STOM: variants seen among roughly 807,000 people sequenced by gnomAD.
The protein encoded by STOM is stomatin.
Under a neutral mutation model 30.6 loss-of-function variants are expected in STOM, and 25 were observed. That is an observed-to-expected ratio of 0.82 (90% confidence interval 0.60 to 1.14). The LOEUF is 1.14. STOM is among the 50% of genes most tolerant of loss of function. STOM has a pLI of 0.00. For missense variants in STOM, 292 were observed against 365.2 expected (o/e 0.80, Z 1.63); for synonymous variants, 118 against 130.8 (o/e 0.90, Z 0.67).
intron 1 of STOM, 36 bp downstream of exon 1, chr9:121,370,091 G>T (rs188538384): frequency 9.9e-6 from 15 of 1,510,420 alleles, no homozygotes; most frequent in Non-Finnish European, 1.3e-5. Flanking sequence ...GCGGGGGCTC[G>T]GTCCACGGGG....
rs1471841609 is a variant in STOM at position 121,339,527 on chromosome 9, A to G, written c.*1675T>C. ...TTGGGGTACAGGGGAAGGGACATCCATTGGCTGGATGGACAGAGTGGTTGA... is the reference window on the plus strand; with the variant it reads ...TTGGGGTACAGGGGAAGGGACATCCGTTGGCTGGATGGACAGAGTGGTTGA... On this transcript the variant is annotated 3_prime_UTR_variant, in exon 7 of 7. Transcript: ENST00000286713. 1 of 1,229,276 alleles carries G rather than the reference A, an allele frequency of 8.1e-7. No individual in the cohort carries two copies. The highest frequency in any genetic ancestry group is 3.2e-5 in the East Asian group (1 of 31,558). The allele number at this position is 1,229,276 out of a possible 1,614,324, so 76.1% of individuals were successfully genotyped here.
At chr9:121,345,798 T>C (rs1564627490) in intron 6 of STOM, among the ~76,000 whole-genome samples, 3 of 152,286 alleles carry the variant, frequency 2.0e-5, no homozygotes, top group East Asian at 1.9e-4. Flanking sequence ...AAGAGGCTCA[T>C]AGCCCATCCT....
intron 1 of STOM, among the ~76,000 whole-genome samples, chr9:121,357,511 C>T (rs1385052501): frequency 6.7e-6 from 1 of 148,302 alleles, no homozygotes; most frequent in Non-Finnish European, 1.5e-5. Context: ...ACAGTCTCAC[C>T]TCACTGCAAC....
chr9:121,363,031 T>C (rs1014212182), intron 1 of STOM, among the ~76,000 whole-genome samples: 1 of 152,222 alleles, frequency 6.6e-6, no homozygotes, highest in Non-Finnish European at 1.5e-5. Flanking sequence ...GAGATTTTAT[T>C]ATTGTAAAGT....
rs1327320091 is a variant in STOM at position 121,370,177 on chromosome 9, T to G, written c.11A>C (p.Lys4Thr). 1.3e-6 allele frequency: 2 copies of G among 1,548,034 alleles called. No individual in the cohort carries two copies. Among genetic ancestry groups the G allele is most frequent in the African/African-American group, 1.4e-5 (1 of 73,022 alleles). Residue 4 changes from lysine (K) to threonine (T), a missense_variant, in exon 1 of 7, where the codon AAG (lysine) becomes ACG (threonine). Lys to Thr is a moderately conservative substitution (Grantham distance 78). Transcript: ENST00000286713. ...GGCTTCGGAGTCCCGTGTGTGCCGC[T>G]TCTCGGCCATGCTGCCCGAGACGCA... MAEKRHTRDSEAQR... is the reference protein window; with the variant it reads MAETRHTRDSEAQR...
At chr9:121,368,369 C>G (rs1020292677) in intron 1 of STOM, among the ~76,000 whole-genome samples, 4 of 152,320 alleles carry the variant, frequency 2.6e-5, no homozygotes, top group Non-Finnish European at 5.9e-5. Context: ...AGATTTGCCA[C>G]TGCAGTTTCC....
chr9:121,358,018 G>A (rs927840436), intron 1 of STOM, among the ~76,000 whole-genome samples: 1 of 151,932 alleles, frequency 6.6e-6, no homozygotes, highest in Non-Finnish European at 1.5e-5. Context: ...AATACGCTTT[G>A]CAGCTGGGTG....
chr9:121,349,191 TCA>T lies in STOM; in HGVS notation c.452_453del (p.Leu151GlnfsTer15). ...SATRLLAQTT[L>X]RNVLGTKNLS... ...AGATTCTTGGTGCCCAGAACATTCC[TCA>T]GAGTAGTTTGTGCCAAAAGACGGGT... On this transcript the variant is annotated frameshift_variant, in exon 5 of 7. Coordinates refer to ENST00000286713, the MANE Select transcript of STOM (RefSeq NM_004099.6). LOFTEE classifies it high-confidence loss of function. The T allele has an allele frequency of 6.2e-7, 1 of 1,614,186 alleles. No individual in the cohort carries two copies. The highest frequency in any genetic ancestry group is 8.5e-7 in the Non-Finnish European group (1 of 1,180,028).
chr9:121,339,414 T>C lies in STOM; in HGVS notation c.*1788A>G. 1.9e-5 allele frequency: 12 copies of C among 645,592 alleles called. No individual in the cohort carries two copies. Among genetic ancestry groups the C allele is most frequent in the Non-Finnish European group, 2.4e-5 (11 of 460,230 alleles). 40.0% of individuals were successfully genotyped at this position (645,592 alleles called of 1,614,324 possible). A position where few individuals can be genotyped will look rare whatever the true frequency, so the allele number is the denominator to read the frequency against. On this transcript the variant is annotated 3_prime_UTR_variant, in exon 7 of 7. Coordinates refer to ENST00000286713, the MANE Select transcript of STOM (RefSeq NM_004099.6). ...ATTCAAAATGTAAGTGCAACTTGAGTTTAAGTTGCACTGCTCCATACCTCT... is the reference window on the plus strand; with the variant it reads ...ATTCAAAATGTAAGTGCAACTTGAGCTTAAGTTGCACTGCTCCATACCTCT...
In STOM at chr9:121,339,641, T is replaced by G; in HGVS notation, c.*1561A>C. The G allele has an allele frequency of 8.1e-7, 1 of 1,231,632 alleles. No homozygotes were observed. 76.3% of individuals were successfully genotyped at this position (1,231,632 alleles called of 1,614,324 possible). On this transcript the variant is annotated 3_prime_UTR_variant, in exon 7 of 7. Transcript: ENST00000286713. ...TGAACTCAGAGTCTCAAAGAGGAAATGTTACAAATGTCACCCGCCAGCTTT... is the reference window on the plus strand; with the variant it reads ...TGAACTCAGAGTCTCAAAGAGGAAAGGTTACAAATGTCACCCGCCAGCTTT...
intron 6 of STOM, among the ~76,000 whole-genome samples, chr9:121,343,043 A>G (rs1326103275): frequency 6.6e-6 from 1 of 152,222 alleles, no homozygotes; most frequent in Non-Finnish European, 1.5e-5. Context: ...GAAGACAGAG[A>G]AAGTATATAA....
chr9:121,345,692 T>C (rs1286758538), intron 6 of STOM, among the ~76,000 whole-genome samples: 1 of 152,294 alleles, frequency 6.6e-6, no homozygotes, highest in Non-Finnish European at 1.5e-5. Flanking sequence ...AGTGGGAGCA[T>C]GGCAATTCAG....
intron 1 of STOM, among the ~76,000 whole-genome samples, chr9:121,358,140 TAAAAAAA>T (rs35222551): frequency 7.4e-6 from 1 of 134,630 alleles, no homozygotes; most frequent in Non-Finnish European, 1.7e-5. Flanking sequence ...GTCTCTACTT[TAAAAAAA>T]AAAAAAATAA....
chr9:121,350,950 A>G (rs2064333631), intron 4 of STOM, among the ~76,000 whole-genome samples: 1 of 152,240 alleles, frequency 6.6e-6, no homozygotes, highest in Non-Finnish European at 1.5e-5. Context: ...TTCCCATGAC[A>G]TGATGGGAAA....
intron 1 of STOM, among the ~76,000 whole-genome samples, chr9:121,364,545 G>A (rs2064485078): frequency 6.6e-6 from 1 of 152,120 alleles, no homozygotes; most frequent in Non-Finnish European, 1.5e-5. Flanking sequence ...CTTAAAATGT[G>A]TTTACTGTGA....
chr9:121,366,492 A>T (rs2064504909), intron 1 of STOM, among the ~76,000 whole-genome samples: 1 of 152,156 alleles, frequency 6.6e-6, no homozygotes, highest in Non-Finnish European at 1.5e-5. Context: ...GGCAATTATA[A>T]TCCTTTTATT....
At position 121,349,163 on chromosome 9, in the gene STOM, G is replaced by C. The variant is rs913044787; in HGVS notation, c.482C>G (p.Ser161Cys). The change falls in exon 5 of 7, where the codon TCT becomes TGT. Residue 161 changes from serine to cysteine, a missense_variant. Coordinates refer to ENST00000286713, the MANE Select transcript of STOM (RefSeq NM_004099.6). ...LRNVLGTKNL[S>C]QILSDREEIA... ...TTCTTCTCTGTCAGAGAGGATCTGA[G>C]AAAGATTCTTGGTGCCCAGAACATT... is the stretch of plus-strand genomic sequence containing the variant. 1 of 1,614,170 alleles carries C rather than the reference G, an allele frequency of 6.2e-7. No individual in the cohort carries two copies. The highest frequency in any genetic ancestry group is 1.3e-5 in the African/African-American group (1 of 75,036).
rs1233329034 is a variant in STOM at position 121,348,064 on chromosome 9, T to C, written c.611A>G (p.Gln204Arg). 6.2e-7 allele frequency: 1 copy of C among 1,614,244 alleles called. No individual in the cohort carries two copies. Among genetic ancestry groups the C allele is most frequent in the Non-Finnish European group, 8.5e-7 (1 of 1,180,030 alleles). The change falls in exon 6 of 7, where the codon CAG (glutamine) becomes CGG (arginine). Residue 204 changes from glutamine (Q) to arginine (R), a missense_variant. Transcript: ENST00000286713. ...TTCTGCTTCTGCAGCCATAGCTCTCTGGAGCTGCACAGGTAGTTTCACATC... is the reference window on the plus strand; with the variant it reads ...TTCTGCTTCTGCAGCCATAGCTCTCCGGAGCTGCACAGGTAGTTTCACATC... ...IKDVKLPVQL[Q>R]RAMAAEAEAS... is the part of the protein sequence containing the mutation.
At chr9:121,359,471 T>C (rs1463633777) in intron 1 of STOM, among the ~76,000 whole-genome samples, 1 of 152,070 alleles carries the variant, frequency 6.6e-6, no homozygotes, top group African/African-American at 2.4e-5. Context: ...ACATATTCAT[T>C]GAGAGAATAT....
Sources: gnomAD v4.1 joint callset for allele counts (sites outside exome capture counted in the v4.1 genomes callset) on GRCh38, gnomAD v4.1.1 for gene constraint, MANE v1.5 for transcripts, NCBI Gene and HGNC (gene_info 2026-07-23, HGNC 2026-07-21) for gene names.